The following RIT2 variants were observed in gnomAD, a reference collection of about 807,000 sequenced individuals.
RIT2 encodes Ras like without CAAX 2, also known as GTP-binding protein Rit2.
Under a neutral mutation model 23.7 loss-of-function variants are expected in RIT2, and 24 were observed. The ratio of observed to expected loss-of-function variants is 1.01; its 90% CI spans 0.73 to 1.43. The LOEUF is 1.43. RIT2 is among the 40% of genes most tolerant of loss of function. RIT2 has a pLI of 0.00. For missense variants in RIT2, 236 were observed against 266.9 expected (o/e 0.88, Z 0.81); for synonymous variants, 107 against 91.1 (o/e 1.17, Z -0.99).
At chr18:43,029,444 G>C (rs1312260063) in intron 2 of RIT2, among the ~76,000 whole-genome samples, 1 of 151,936 alleles carries the variant, frequency 6.6e-6, no homozygotes, top group Non-Finnish European at 1.5e-5. Context: ...TGTTAAAGCT[G>C]TTTTCTTTCC....
intron 1 of RIT2, among the ~76,000 whole-genome samples, chr18:43,048,022 C>A (rs1420397221): frequency 6.6e-6 from 1 of 152,048 alleles, no homozygotes; most frequent in African/African-American, 2.4e-5. Flanking sequence ...CAGGGATAAC[C>A]CACAGGGATC....
At chr18:43,096,665 A>T (rs1380489998) in intron 1 of RIT2, among the ~76,000 whole-genome samples, 1 of 151,886 alleles carries the variant, frequency 6.6e-6, no homozygotes, top group Non-Finnish European at 1.5e-5. Context: ...TTGGTGATTA[A>T]ATATATTTAA....
chr18:43,106,658 C>A (rs1011112872), intron 1 of RIT2, among the ~76,000 whole-genome samples: 1 of 152,168 alleles, frequency 6.6e-6, no homozygotes, highest in African/African-American at 2.4e-5. Flanking sequence ...ATCCTTCATG[C>A]ATACTTTAGG....
At chr18:42,774,435 C>T (rs1913620780) in intron 4 of RIT2, among the ~76,000 whole-genome samples, 1 of 151,954 alleles carries the variant, frequency 6.6e-6, no homozygotes, top group Admixed American at 6.6e-5. Context: ...CACTGCTGCC[C>T]CACAACTTGA....
At chr18:42,759,078 T>C (rs541858701) in intron 4 of RIT2, among the ~76,000 whole-genome samples, 1 of 152,294 alleles carries the variant, frequency 6.6e-6, no homozygotes, top group Admixed American at 6.5e-5. Context: ...TCTCTTTCAC[T>C]ATATCTCTGT....
At position 42,923,768 on chromosome 18, in the gene RIT2, AG is replaced by A; in HGVS notation, c.235-6del. On this transcript the variant is annotated splice_polypyrimidine_tract_variant and splice_region_variant and intron_variant, in intron 3 of 4. Transcript: ENST00000326695. ...CCGCATGGCTGTGAATTCTGCCTGC[AG>A]GAAAAAAAAAAAAAAATTAGTTATG... 3 of 1,553,834 alleles carry A rather than the reference AG, an allele frequency of 1.9e-6. No individual in the cohort carries two copies. Among genetic ancestry groups the A allele is most frequent in the Admixed American group, 2.1e-5 (1 of 48,574 alleles).
intron 2 of RIT2, among the ~76,000 whole-genome samples, chr18:42,976,075 T>C (rs781419896): frequency 1.3e-5 from 2 of 152,080 alleles, no homozygotes; most frequent in Non-Finnish European, 2.9e-5. Context: ...CCACATGTTG[T>C]AAATCTTTCC....
At chr18:43,065,594 A>C (rs1340361450) in intron 1 of RIT2, among the ~76,000 whole-genome samples, 1 of 152,122 alleles carries the variant, frequency 6.6e-6, no homozygotes, top group Non-Finnish European at 1.5e-5. Flanking sequence ...ACAGTAATCA[A>C]AGTGTTTTAT....
intron 4 of RIT2, among the ~76,000 whole-genome samples, chr18:42,746,706 A>G (rs1912924409): frequency 6.6e-6 from 1 of 152,090 alleles, no homozygotes; most frequent in Admixed American, 6.6e-5. Context: ...AGAGACAGAA[A>G]GAGGAAATCC....
At chr18:42,942,260 G>A (rs1408215531) in intron 3 of RIT2, among the ~76,000 whole-genome samples, 1 of 152,078 alleles carries the variant, frequency 6.6e-6, no homozygotes, top group Admixed American at 6.6e-5. Context: ...CTGGCACACA[G>A]AGTGGTTGCT....
intron 4 of RIT2, among the ~76,000 whole-genome samples, chr18:42,817,443 G>C (rs10502801): frequency 0.025 from 3,804 of 152,158 alleles, 161 homozygotes; most frequent in African/African-American, 0.084. Context: ...TGTTCATGTA[G>C]GTTTGAAATT....
chr18:43,006,636 A>T (rs770495121), intron 2 of RIT2, among the ~76,000 whole-genome samples: 20 of 151,666 alleles, frequency 1.3e-4, no homozygotes, highest in Non-Finnish European at 3.0e-4. Context: ...GAAAGATAAT[A>T]CTTCAAAAAT....
chr18:42,872,640 G>T (rs145415011), intron 4 of RIT2, among the ~76,000 whole-genome samples: 10 of 152,260 alleles, frequency 6.6e-5, no homozygotes, highest in Middle Eastern at 3.4e-3. Flanking sequence ...AACTTGATAA[G>T]TATCCATACC....
intron 4 of RIT2, among the ~76,000 whole-genome samples, chr18:42,920,467 C>T (rs185979420): frequency 2.0e-5 from 3 of 152,272 alleles, no homozygotes; most frequent in Non-Finnish European, 4.4e-5. Context: ...AGCACAGAGC[C>T]TTGAAAACAC....
intron 3 of RIT2, among the ~76,000 whole-genome samples, chr18:42,949,305 T>G (rs1224114928): frequency 1.3e-5 from 2 of 152,076 alleles, no homozygotes; most frequent in Non-Finnish European, 1.5e-5. Context: ...AGAGGCTTCC[T>G]AAAAGAAATT....
chr18:42,820,213 T>G (rs1345836175), intron 4 of RIT2, among the ~76,000 whole-genome samples: 1 of 152,136 alleles, frequency 6.6e-6, no homozygotes, highest in Non-Finnish European at 1.5e-5. Flanking sequence ...GCATTCACCT[T>G]TAGTTCAGCA....
chr18:42,886,949 C>A (rs1908038978), intron 4 of RIT2, among the ~76,000 whole-genome samples: 1 of 152,036 alleles, frequency 6.6e-6, no homozygotes, highest in South Asian at 2.1e-4. Flanking sequence ...GAGTTGAAGT[C>A]CCAGGTCAGG....
At chr18:42,967,374 G>T (rs1399583210) in intron 3 of RIT2, among the ~76,000 whole-genome samples, 1 of 151,282 alleles carries the variant, frequency 6.6e-6, no homozygotes, top group Non-Finnish European at 1.5e-5. Context: ...GTAAAAGGTG[G>T]TTGTTGTTGT....
At chr18:42,779,101 T>G (rs1913745883) in intron 4 of RIT2, among the ~76,000 whole-genome samples, 1 of 152,212 alleles carries the variant, frequency 6.6e-6, no homozygotes, top group South Asian at 2.1e-4. Flanking sequence ...GATTTTCATA[T>G]TGATCAAGAT....
Sources: gnomAD v4.1 joint callset for allele counts (sites outside exome capture counted in the v4.1 genomes callset) on GRCh38, gnomAD v4.1.1 for gene constraint, MANE v1.5 for transcripts, NCBI Gene and HGNC (gene_info 2026-07-23, HGNC 2026-07-21) for gene names.